WASF3: variants seen among roughly 807,000 people sequenced by gnomAD.
WASF3 encodes actin-binding protein WASF3.
In WASF3, 11 loss-of-function variants were observed where a neutral mutation model predicts 46.6. That is an observed-to-expected ratio of 0.24 (90% CI 0.15 to 0.39). The LOEUF is 0.39. Ranked by LOEUF, WASF3 falls within the 10% of genes least tolerant of loss-of-function variation. The pLI is 1.00. For missense variants in WASF3, 576 were observed against 669.8 expected (o/e 0.86, Z 1.55); for synonymous variants, 242 against 259.7 (o/e 0.93, Z 0.65).
intron 1 of WASF3, among the ~76,000 whole-genome samples, chr13:26,596,566 C>G (rs895456503): frequency 2.6e-5 from 4 of 151,940 alleles, no homozygotes; most frequent in Non-Finnish European, 4.4e-5. Flanking sequence ...TGAGTATTTT[C>G]TCTTTGTCTT....
At chr13:26,577,517 G>A (rs1484205398) in intron 1 of WASF3, 10 of 1,295,150 alleles carry the variant, frequency 7.7e-6, no homozygotes, top group African/African-American at 2.9e-5. Flanking sequence ...TGATGTCTTC[G>A]TTAGAAAAGT....
chr13:26,551,194 T>C, the WASF3 span, among the ~76,000 whole-genome samples: 2 of 152,190 alleles, frequency 1.3e-5, no homozygotes, highest in Non-Finnish European at 2.9e-5. Flanking sequence ...GATTCTAAGT[T>C]TCCTGAGGCC....
intron 2 of WASF3, chr13:26,638,232 C>T (rs566519574): frequency 2.0e-5 from 3 of 152,278 alleles, no homozygotes; most frequent in South Asian, 2.1e-4. Flanking sequence ...TATCCATTTC[C>T]ATAGTTGAAG....
At chr13:26,599,889 G>C (rs913599755) in intron 1 of WASF3, among the ~76,000 whole-genome samples, 25 of 152,172 alleles carry the variant, frequency 1.6e-4, no homozygotes, top group African/African-American at 5.8e-4. Context: ...GAGGCAAAGT[G>C]GATAAAATAT....
At chr13:26,582,318 G>T (rs1269948310) in intron 1 of WASF3, among the ~76,000 whole-genome samples, 1 of 152,038 alleles carries the variant, frequency 6.6e-6, no homozygotes, top group Non-Finnish European at 1.5e-5. Context: ...TGACTCTGTT[G>T]TTTATTAGCT....
At chr13:26,596,773 A>G (rs1403002380) in intron 1 of WASF3, among the ~76,000 whole-genome samples, 3 of 152,046 alleles carry the variant, frequency 2.0e-5, no homozygotes, top group African/African-American at 7.2e-5. Flanking sequence ...TATTCAAGCC[A>G]TTTATTATTT....
intron 1 of WASF3, among the ~76,000 whole-genome samples, chr13:26,578,015 C>CT (rs928333156): frequency 2.0e-5 from 3 of 151,898 alleles, no homozygotes; most frequent in Non-Finnish European, 2.9e-5. Context: ...ATTCCTTAGA[C>CT]TTTTTTTTAT....
In WASF3 at chr13:26,561,115, G is replaced by A. The variant is rs567924490; in HGVS notation, c.-109+3296G>A. On this transcript the variant is annotated intron_variant, in intron 1 of 9. Coordinates refer to ENST00000335327, the MANE Select transcript of WASF3 (RefSeq NM_006646.6). Reference sequence around the variant, plus strand: ...AGGGAAGTGGCAAGAAGTGAGGGAGGAGAAGTAAGGAGGGACTGTGCCTTG... The same window carrying A: ...AGGGAAGTGGCAAGAAGTGAGGGAGAAGAAGTAAGGAGGGACTGTGCCTTG... 3.3e-5 allele frequency among the ~76,000 whole-genome samples: 5 copies of A among 152,210 alleles called. No individual in the cohort carries two copies. In the South Asian group the frequency reaches 1.0e-3, roughly 32 times the overall value.
chr13:26,671,913 C>A lies in WASF3; in HGVS notation c.464C>A (p.Ser155Tyr). The change falls in exon 6 of 10, where the codon TCC becomes TAC. Residue 155 changes from serine to tyrosine, a missense_variant. Around this residue, in one of 3 missense-constraint regions of WASF3, gnomAD observed 213 missense variants for 278.0 expected, o/e 0.77. Coordinates refer to ENST00000335327, the MANE Select transcript of WASF3 (RefSeq NM_006646.6). ...KDGLKFYTDP[S>Y]YFFDLWKEKM... ...GGGCTGAAGTTCTATACTGATCCTT[C>A]CTATTTCTTTGACCTCTGGAAAGAA... The A allele has an allele frequency of 6.2e-7, 1 of 1,611,162 alleles. No individual in the cohort carries two copies. Among genetic ancestry groups the A allele is most frequent in the Non-Finnish European group, 8.5e-7 (1 of 1,179,242 alleles).
At chr13:26,585,589 T>C (rs1880105435) in intron 1 of WASF3, among the ~76,000 whole-genome samples, 1 of 152,198 alleles carries the variant, frequency 6.6e-6, no homozygotes, top group Admixed American at 6.5e-5. Flanking sequence ...GGCAGAAGAC[T>C]GTTCTTCATC....
At chr13:26,559,808 C>CTTTTTTTTT (rs770616922) in intron 1 of WASF3, among the ~76,000 whole-genome samples, 23 of 73,436 alleles carry the variant, frequency 3.1e-4, no homozygotes, top group Admixed American at 5.9e-4. Context: ...TTCTTTCTTT[C>CTTTTTTTTT]TTTTTTTTTT....
chr13:26,563,443 T>C (rs1356071884), intron 1 of WASF3, among the ~76,000 whole-genome samples: 1 of 151,872 alleles, frequency 6.6e-6, no homozygotes, highest in African/African-American at 2.4e-5. Context: ...TCACCTCAGG[T>C]CAGGAGTTCG....
rs750718912 is a variant in WASF3, at chr13:26,665,111, A to C, written c.217A>C (p.Ile73Leu). The C allele has an allele frequency of 6.2e-7, 1 of 1,614,070 alleles. No individual in the cohort carries two copies. The change falls in exon 4 of 10, where the codon ATT becomes CTT. Residue 73 changes from isoleucine (I) to leucine (L), a missense_variant. Ile to Leu is a conservative substitution (Grantham distance 5). Around this residue, in one of 3 missense-constraint regions of WASF3, gnomAD observed 213 missense variants for 278.0 expected, o/e 0.77. Coordinates refer to ENST00000335327, the MANE Select transcript of WASF3 (RefSeq NM_006646.6). ...CAGAGCAAATTCTCTTCAAGACAGAATTGATCGCCTTGCTGTCAAAGTCAC... is the reference window on the plus strand; with the variant it reads ...CAGAGCAAATTCTCTTCAAGACAGACTTGATCGCCTTGCTGTCAAAGTCAC... ...YIRANSLQDR[I>L]DRLAVKVTQL...
At chr13:26,606,724 A>G (rs889599390) in intron 1 of WASF3, 2 of 151,246 alleles carry the variant, frequency 1.3e-5, no homozygotes, top group African/African-American at 4.9e-5. Context: ...GACTTTGTAT[A>G]CTCTTTGCAT....
At chr13:26,574,771 G>A (rs1372049754) in intron 1 of WASF3, among the ~76,000 whole-genome samples, 2 of 151,484 alleles carry the variant, frequency 1.3e-5, no homozygotes, top group African/African-American at 4.8e-5. Context: ...TTGATATCAG[G>A]AAGGTGGGAC....
chr13:26,561,903 C>A (rs1004500010), intron 1 of WASF3, among the ~76,000 whole-genome samples: 1 of 152,160 alleles, frequency 6.6e-6, no homozygotes, highest in African/African-American at 2.4e-5. Flanking sequence ...CAGTGCTCAA[C>A]AAGTGTACAC....
In WASF3 at chr13:26,604,633, C is replaced by T. The variant is rs1024430845; in HGVS notation, c.-108-8328C>T. ...GAGTCCATTTAGTAGCAAAATTACA[C>T]GATGCTTCTCATTCTACATTCTGAA... On this transcript the variant is annotated intron_variant, in intron 1 of 9. Coordinates refer to ENST00000335327, the MANE Select transcript of WASF3 (RefSeq NM_006646.6). 5.3e-5 allele frequency among the ~76,000 whole-genome samples: 8 copies of T among 152,292 alleles called. No homozygotes were observed. In the South Asian group the frequency reaches 1.2e-3, roughly 24 times the overall value.
At chr13:26,590,619 G>A (rs934823065) in intron 1 of WASF3, among the ~76,000 whole-genome samples, 1 of 152,142 alleles carries the variant, frequency 6.6e-6, no homozygotes, top group East Asian at 1.9e-4. Context: ...ACAGAGAAAG[G>A]GTCCAAATCA....
intron 2 of WASF3, among the ~76,000 whole-genome samples, chr13:26,621,532 A>G (rs1183651797): frequency 6.6e-6 from 1 of 152,014 alleles, no homozygotes; most frequent in African/African-American, 2.4e-5. Context: ...TTAGTGGCAG[A>G]ACTTGGACTA....
Sources: allele counts gnomAD v4.1 joint callset (sites outside exome capture counted in the v4.1 genomes callset), GRCh38; gene constraint gnomAD v4.1.1; regional missense constraint gnomAD v4.1.1; transcripts MANE v1.5; gene names NCBI Gene and HGNC (gene_info 2026-07-23, HGNC 2026-07-21).